The following MAP9 variants were observed in gnomAD, a reference collection of about 807,000 sequenced individuals.
The protein encoded by MAP9 is microtubule-associated protein 9.
MAP9 carries 80 observed loss-of-function variants against 75.2 expected under a neutral mutation model. The observed-to-expected ratio is 1.06, with a 90% CI of 0.89 to 1.28. MAP9 has a LOEUF of 1.28. MAP9 is among the 50% of genes most tolerant of loss of function. The probability of loss-of-function intolerance (pLI) is 0.00; values close to 1 mark genes in which losing one functional copy is unlikely to be tolerated. For synonymous variants in MAP9, 235 were observed against 237.3 expected (o/e 0.99, Z 0.09); for missense variants, 753 against 719.9 (o/e 1.05, Z -0.53).
intron 4 of MAP9, among the ~76,000 whole-genome samples, chr4:155,370,231 G>T (rs1057403178): frequency 6.6e-6 from 1 of 151,694 alleles, no homozygotes. Context: ...CTACATCCCT[G>T]CTGTCGGGTC....
intron 5 of MAP9, among the ~76,000 whole-genome samples, chr4:155,363,864 A>G (rs1732201597): frequency 6.6e-6 from 1 of 152,180 alleles, no homozygotes; most frequent in South Asian, 2.1e-4. Flanking sequence ...CTCAGAGATC[A>G]GTGAGATATA....
chr4:155,353,476 T>C (rs1039176091), intron 10 of MAP9, 136 bp from the exon 11 acceptor site: 33 of 709,730 alleles, frequency 4.6e-5, no homozygotes, highest in African/African-American at 4.6e-4. Flanking sequence ...AAATTAACTT[T>C]CAAAGTAGGT....
chr4:155,366,040 T>C (rs1177728584), intron 5 of MAP9, among the ~76,000 whole-genome samples: 1 of 152,040 alleles, frequency 6.6e-6, no homozygotes, highest in Non-Finnish European at 1.5e-5. Context: ...AATTTTCAAA[T>C]CTAAAGATAA....
In MAP9 at chr4:155,362,280, C is replaced by T. The variant is rs1021809452; in HGVS notation, c.709-139G>A. On this transcript the variant is annotated intron_variant, in intron 5 of 13. Transcript: ENST00000311277. Reference sequence around the variant, plus strand: ...ATTATTTAGGCATTTGTTGCTGAAACGCAAAGTGTGACAAGCCAATGGAGG... The same window carrying T: ...ATTATTTAGGCATTTGTTGCTGAAATGCAAAGTGTGACAAGCCAATGGAGG... 20 of 567,428 alleles carry T rather than the reference C, an allele frequency of 3.5e-5. No individual in the cohort carries two copies. The Admixed American group carries it at 5.1e-4, about 14-fold the overall frequency. 35.1% of individuals were successfully genotyped at this position (567,428 alleles called of 1,614,324 possible).
intron 4 of MAP9, among the ~76,000 whole-genome samples, chr4:155,370,495 T>C (rs1732544323): frequency 6.6e-6 from 1 of 152,138 alleles, no homozygotes; most frequent in Admixed American, 6.6e-5. Context: ...CCACAATCCC[T>C]CCAATCCCTC....
At position 155,353,344 on chromosome 4, in the gene MAP9, C is replaced by A. The variant is rs200042041; in HGVS notation, c.1381-4G>T. The A allele has an allele frequency of 6.4e-7, 1 of 1,554,174 alleles. No individual in the cohort carries two copies. ...CTTCTCTTTTAGCAGCTTTTTTCTA[C>A]AGTGGAAAAAATAATAGAGTGATAT... is the stretch of plus-strand genomic sequence containing the variant. On this transcript the variant is annotated splice_region_variant and splice_polypyrimidine_tract_variant and intron_variant, in intron 10 of 13. Coordinates refer to ENST00000311277, the MANE Select transcript of MAP9 (RefSeq NM_001039580.2).
intron 7 of MAP9, among the ~76,000 whole-genome samples, chr4:155,359,267 C>T (rs1341053074): frequency 6.7e-6 from 1 of 150,086 alleles, no homozygotes; most frequent in Non-Finnish European, 1.5e-5. Context: ...TTCAGCCACA[C>T]AGAAAAGAAA....
chr4:155,360,192 A>G lies in MAP9; in HGVS notation c.1026T>C (p.Ser342=), dbSNP rs763297421. 6.2e-7 allele frequency: 1 copy of G among 1,611,802 alleles called. No homozygotes were observed. Among genetic ancestry groups the G allele is most frequent in the East Asian group, 2.2e-5 (1 of 44,778 alleles). The part of the protein sequence containing the change: ...LLSKSQSILI[S]TSATASSKKT... ...CCTTTGAAGATGCTGTTGCACTGGTAGATATTAAGATACTCTGAGATTTAG... is the reference window on the plus strand; with the variant it reads ...CCTTTGAAGATGCTGTTGCACTGGTGGATATTAAGATACTCTGAGATTTAG... Residue 342 remains serine (S), a synonymous_variant, in exon 7 of 14, where the codon TCT becomes TCC. Transcript: ENST00000311277.
In MAP9 at chr4:155,357,450, T is replaced by G. The variant is rs1731844964; in HGVS notation, c.1120A>C (p.Arg374=). 6.5e-7 allele frequency: 1 copy of G among 1,544,968 alleles called. No individual in the cohort carries two copies. The highest frequency in any genetic ancestry group is 8.9e-7 in the Non-Finnish European group (1 of 1,118,196). ...TNNRASSASA[R]LMTSEFLKKS... ...GACAAATATTGGTAACTTTATTACC[T>G]GGCAGATGCACTGGATGCTCTATTA... The change falls in exon 8 of 14, where the codon AGA becomes CGA. Residue 374 remains arginine, a splice_region_variant and synonymous_variant. Coordinates refer to ENST00000311277, the MANE Select transcript of MAP9 (RefSeq NM_001039580.2).
intron 1 of MAP9, 137 bp from the exon 2 acceptor site, chr4:155,376,051 TGTAAA>T: frequency 2.4e-6 from 1 of 413,428 alleles, no homozygotes; most frequent in Non-Finnish European, 4.3e-6. Flanking sequence ...AAAAGGTTCT[TGTAAA>T]GAAATAGCAA....
At position 155,368,815 on chromosome 4, in the gene MAP9, G is replaced by T. The variant is rs777678036; in HGVS notation, c.482-3C>A. 10 of 1,597,456 alleles carry T rather than the reference G, an allele frequency of 6.3e-6. No homozygotes were observed. In the East Asian group the frequency reaches 2.2e-4, roughly 36 times the overall value. On this transcript the variant is annotated splice_region_variant and splice_polypyrimidine_tract_variant and intron_variant, in intron 4 of 13. Coordinates refer to ENST00000311277, the MANE Select transcript of MAP9 (RefSeq NM_001039580.2). ...TGTGTCAAGGCTGTTGTTTTCTGCT[G>T]AAAAATAAAATGCTTAAAGTGTGTG...
chr4:155,347,972 T>C, intron 13 of MAP9, 67 bp from the exon 14 acceptor site: 1 of 1,025,234 alleles, frequency 9.8e-7, no homozygotes, highest in Non-Finnish European at 1.4e-6. Context: ...ATCAGGTTGC[T>C]TGCTGAAGAA....
chr4:155,360,037 T>C, intron 7 of MAP9, 131 bp downstream of exon 7: 2 of 821,572 alleles, frequency 2.4e-6, no homozygotes, highest in Non-Finnish European at 3.7e-6. Context: ...CATGTGACAA[T>C]ACAATATCAC....
At chr4:155,350,300 T>C (rs1731457928) in intron 13 of MAP9, 1 of 444,350 alleles carries the variant, frequency 2.3e-6, no homozygotes, top group African/African-American at 2.1e-5. Context: ...ACATGTATGT[T>C]TATGTGTTTA....
In MAP9 at chr4:155,355,625, T is replaced by C. The variant is rs1048127649; in HGVS notation, c.1290+91A>G. 13 of 946,346 alleles carry C rather than the reference T, an allele frequency of 1.4e-5. No homozygotes were observed. In the African/African-American group the frequency reaches 2.0e-4, roughly 15 times the overall value. 58.6% of individuals were successfully genotyped at this position (946,346 alleles called of 1,614,324 possible). ...AATAAATTTAAGTATTAAACCATCA[T>C]TTTCTATCAGGATTACTTTATTCTT... On this transcript the variant is annotated intron_variant, in intron 9 of 13. Coordinates refer to ENST00000311277, the MANE Select transcript of MAP9 (RefSeq NM_001039580.2).
At chr4:155,360,581 T>A in intron 6 of MAP9, 166 bp from the exon 7 acceptor site, 1 of 631,456 alleles carries the variant, frequency 1.6e-6, no homozygotes, top group Non-Finnish European at 2.5e-6. Flanking sequence ...TTTTCGAAAG[T>A]GATTTACAAA....
chr4:155,374,695 T>C (rs1453875772), intron 3 of MAP9, among the ~76,000 whole-genome samples: 1 of 152,186 alleles, frequency 6.6e-6, no homozygotes, highest in Non-Finnish European at 1.5e-5. Flanking sequence ...ATCAATTAAT[T>C]TATATTTTCG....
intron 5 of MAP9, chr4:155,362,888 T>G (rs547096489): frequency 6.6e-6 from 1 of 152,200 alleles, no homozygotes; most frequent in Non-Finnish European, 1.5e-5. Context: ...ATGGAAGAAG[T>G]GCTGAGACAC....
Position 155,352,665 on chromosome 4 carries a change from C to T in MAP9, c.1752G>A (p.Lys584=), listed in dbSNP as rs1220023757. The change falls in exon 13 of 14, where the codon AAG becomes AAA. Residue 584 remains lysine (K), a synonymous_variant. Transcript: ENST00000311277. The stretch of plus-strand genomic sequence containing the variant: ...TTTTCTCAGCTCTTTTCAGTTCTTC[C>T]TTTCTTTTCTCATTTATTTTTTCTT... ...KEKEKINEKR[K]EELKRAEKKD... The T allele has an allele frequency of 2.0e-6, 3 of 1,529,264 alleles. No individual in the cohort carries two copies. Among genetic ancestry groups the T allele is most frequent in the East Asian group, 2.3e-5 (1 of 43,076 alleles). 94.7% of individuals were successfully genotyped at this position (1,529,264 alleles called of 1,614,324 possible). A position where few individuals can be genotyped will look rare whatever the true frequency, so the allele number is the denominator to read the frequency against.
Sources: gnomAD v4.1 joint callset for allele counts (sites outside exome capture counted in the v4.1 genomes callset) on GRCh38, gnomAD v4.1.1 for gene constraint, MANE v1.5 for transcripts, NCBI Gene and HGNC (gene_info 2026-07-23, HGNC 2026-07-21) for gene names.